TENM3: variants seen among roughly 807,000 people sequenced by gnomAD.
TENM3 encodes the protein teneurin transmembrane protein 3, also known as teneurin-3.
A neutral mutation model predicts 255.1 loss-of-function variants in TENM3; 63 were observed. The ratio of observed to expected loss-of-function variants is 0.25; its 90% confidence interval spans 0.20 to 0.30. The LOEUF (loss-of-function observed/expected upper bound fraction) is 0.30, where lower values mean the gene tolerates loss of function less well. Among genes scored for constraint, TENM3 ranks in the 10% least tolerant of loss-of-function variants. The pLI is 1.00. For missense variants in TENM3, 2,929 were observed against 3,461.1 expected, an observed-to-expected ratio of 0.85 and a Z score of 3.86; for synonymous variants, 1,306 against 1,322.3, an observed-to-expected ratio of 0.99 and a Z score of 0.27.
chr4:181,938,221 T>G, the TENM3 span, among the ~76,000 whole-genome samples: 1 of 152,194 alleles, frequency 6.6e-6, no homozygotes, highest in Admixed American at 6.5e-5. Flanking sequence ...CAGATGTCTT[T>G]ATTATATAGA....
At chr4:181,870,382 T>C in the TENM3 span, among the ~76,000 whole-genome samples, 1 of 152,184 alleles carries the variant, frequency 6.6e-6, no homozygotes, top group Non-Finnish European at 1.5e-5. Flanking sequence ...ACACACTGTC[T>C]AGCAGTATTT....
intron 1 of TENM3, among the ~76,000 whole-genome samples, chr4:182,298,412 T>C (rs1761634552): frequency 6.6e-6 from 1 of 152,216 alleles, no homozygotes; most frequent in Non-Finnish European, 1.5e-5. Flanking sequence ...TACAAAGAGT[T>C]GAACTGTTAG....
intron 3 of TENM3, among the ~76,000 whole-genome samples, chr4:182,506,751 G>T (rs893444418): frequency 6.6e-6 from 1 of 152,186 alleles, no homozygotes; most frequent in African/African-American, 2.4e-5. Flanking sequence ...GTTGTAAGGA[G>T]TATGGAGTAG....
the TENM3 span, among the ~76,000 whole-genome samples, chr4:182,026,995 A>T: frequency 6.6e-6 from 1 of 152,036 alleles, no homozygotes; most frequent in Non-Finnish European, 1.5e-5. Context: ...TATTTCTGTG[A>T]AGAATGTCAT....
At chr4:182,058,295 A>G in the TENM3 span, among the ~76,000 whole-genome samples, 1 of 151,874 alleles carries the variant, frequency 6.6e-6, no homozygotes, top group Admixed American at 6.6e-5. Context: ...TGCATAGGAG[A>G]ATCAAGAGAT....
the TENM3 span, among the ~76,000 whole-genome samples, chr4:182,109,239 CT>C: frequency 0.31 from 46,388 of 147,386 alleles, 7,544 homozygotes; most frequent in Middle Eastern, 0.39. Context: ...ATAAATTATG[CT>C]TTACTCTATA....
At chr4:181,983,780 A>T in the TENM3 span, among the ~76,000 whole-genome samples, 1 of 152,008 alleles carries the variant, frequency 6.6e-6, no homozygotes, top group African/African-American at 2.4e-5. Context: ...TCTACTTGGG[A>T]AAAAAGCCAT....
chr4:181,450,793 T>C, the TENM3 span, among the ~76,000 whole-genome samples: 1 of 152,228 alleles, frequency 6.6e-6, no homozygotes, highest in Non-Finnish European at 1.5e-5. Flanking sequence ...GTGGTGTCAC[T>C]GAGGAGAATG....
At chr4:181,662,369 G>A in the TENM3 span, among the ~76,000 whole-genome samples, 1 of 151,966 alleles carries the variant, frequency 6.6e-6, no homozygotes, top group Admixed American at 6.6e-5. Flanking sequence ...AAAATCCTTG[G>A]GCCTTCCTAC....
At chr4:182,248,855 A>T (rs1040850878) in intron 1 of TENM3, among the ~76,000 whole-genome samples, 2 of 152,212 alleles carry the variant, frequency 1.3e-5, no homozygotes, top group Admixed American at 6.5e-5. Context: ...AACCATATAT[A>T]TCTACAGAGC....
At chr4:181,829,083 G>A in the TENM3 span, among the ~76,000 whole-genome samples, 19 of 152,236 alleles carry the variant, frequency 1.2e-4, no homozygotes, top group African/African-American at 3.1e-4. Context: ...TAAATCACAC[G>A]CACACAGGCC....
chr4:181,876,857 G>C, the TENM3 span, among the ~76,000 whole-genome samples: 1 of 151,936 alleles, frequency 6.6e-6, no homozygotes, highest in Admixed American at 6.6e-5. Flanking sequence ...TGATTTGCAA[G>C]GTCATATATT....
At chr4:181,674,709 G>T in the TENM3 span, among the ~76,000 whole-genome samples, 1 of 152,120 alleles carries the variant, frequency 6.6e-6, no homozygotes, top group Non-Finnish European at 1.5e-5. Context: ...ATTGTTCTGA[G>T]TAGACAGCAC....
chr4:182,528,424 T>C (rs1036729071), intron 3 of TENM3, among the ~76,000 whole-genome samples: 4 of 152,228 alleles, frequency 2.6e-5, no homozygotes, highest in South Asian at 2.1e-4. Context: ...GAGGAAGATA[T>C]ACAAATACTG....
At chr4:181,827,987 G>A in the TENM3 span, among the ~76,000 whole-genome samples, 3 of 152,044 alleles carry the variant, frequency 2.0e-5, no homozygotes, top group African/African-American at 4.8e-5. Context: ...ATCATCTTCC[G>A]TATTCATGTC....
At chr4:182,168,537 A>G (rs1561161360) in intron 1 of TENM3, among the ~76,000 whole-genome samples, 1 of 152,180 alleles carries the variant, frequency 6.6e-6, no homozygotes, top group Non-Finnish European at 1.5e-5. Context: ...CTGGATCTCT[A>G]TGAAACCGCT....
chr4:182,737,169 C>A, intron 17 of TENM3, 94 bp downstream of exon 17: 2 of 1,305,788 alleles, frequency 1.5e-6, no homozygotes, highest in Non-Finnish European at 2.1e-6. Context: ...AGTGGATAAA[C>A]AGAATATAAA....
chr4:182,245,766 G>A (rs760812371), intron 1 of TENM3, among the ~76,000 whole-genome samples: 1 of 152,152 alleles, frequency 6.6e-6, no homozygotes, highest in Non-Finnish European at 1.5e-5. Flanking sequence ...GGCTACTGTT[G>A]TGTCAATGCT....
At chr4:182,657,695 C>G (rs1753872351) in intron 6 of TENM3, among the ~76,000 whole-genome samples, 1 of 152,034 alleles carries the variant, frequency 6.6e-6, no homozygotes, top group Non-Finnish European at 1.5e-5. Context: ...ACTCTGTCGC[C>G]CAGGCTGGAA....
Sources: allele counts gnomAD v4.1 joint callset (sites outside exome capture counted in the v4.1 genomes callset), GRCh38; gene constraint gnomAD v4.1.1; transcripts MANE v1.5; gene names NCBI Gene and HGNC (gene_info 2026-07-23, HGNC 2026-07-21).